PCDH7: variants seen among roughly 807,000 people sequenced by gnomAD.
The protein encoded by PCDH7 is protocadherin-7.
A neutral mutation model predicts 58.9 loss-of-function variants in PCDH7; 17 were observed. That is an observed-to-expected ratio of 0.29 (90% CI 0.20 to 0.43). The LOEUF is 0.43. PCDH7 is among the 20% of genes least tolerant of loss of function. The probability of loss-of-function intolerance (pLI) is 1.00; values close to 1 mark genes in which losing one functional copy is unlikely to be tolerated. For missense variants in PCDH7, 1,274 were observed against 1,441.0 expected (o/e 0.88, Z 1.88); for synonymous variants, 664 against 616.4 (o/e 1.08, Z -1.14).
At chr4:31,134,867 A>T (rs964929848) in intron 3 of PCDH7, among the ~76,000 whole-genome samples, 1 of 152,122 alleles carries the variant, frequency 6.6e-6, no homozygotes, top group African/African-American at 2.4e-5. Context: ...CTAAAGGTGA[A>T]TGCAAAGTTG....
chr4:30,911,506 G>A (rs1206932387), intron 1 of PCDH7, among the ~76,000 whole-genome samples: 1 of 152,050 alleles, frequency 6.6e-6, no homozygotes, highest in Non-Finnish European at 1.5e-5. Context: ...CCTTGACTAG[G>A]TTTAAAATAA....
At chr4:30,847,179 T>A (rs1349082026) in intron 1 of PCDH7, among the ~76,000 whole-genome samples, 1 of 152,082 alleles carries the variant, frequency 6.6e-6, no homozygotes, top group Non-Finnish European at 1.5e-5. Context: ...AGGTTTTAAC[T>A]TTATTCATAA....
At chr4:30,845,982 C>T (rs1731893907) in intron 1 of PCDH7, among the ~76,000 whole-genome samples, 1 of 152,072 alleles carries the variant, frequency 6.6e-6, no homozygotes, top group Admixed American at 6.6e-5. Flanking sequence ...ATTTTTGAAA[C>T]TGAATTTTCA....
At chr4:30,911,205 T>C (rs554986465) in intron 1 of PCDH7, among the ~76,000 whole-genome samples, 3 of 151,898 alleles carry the variant, frequency 2.0e-5, no homozygotes, top group Admixed American at 2.0e-4. Context: ...AAATACCTAA[T>C]GTAGGTGATG....
intron 3 of PCDH7, among the ~76,000 whole-genome samples, chr4:31,002,349 C>T (rs1378261165): frequency 2.6e-5 from 4 of 152,228 alleles, no homozygotes; most frequent in African/African-American, 9.6e-5. Context: ...TGCAGCAACA[C>T]GCACAATTTA....
chr4:30,796,806 T>G (rs1367878400), intron 1 of PCDH7, among the ~76,000 whole-genome samples: 3 of 152,200 alleles, frequency 2.0e-5, no homozygotes, highest in Non-Finnish European at 4.4e-5. Flanking sequence ...CTTATAACTT[T>G]CGAAGGCTTT....
At chr4:30,875,991 G>C (rs1204932903) in intron 1 of PCDH7, among the ~76,000 whole-genome samples, 3 of 152,098 alleles carry the variant, frequency 2.0e-5, no homozygotes, top group Non-Finnish European at 4.4e-5. Context: ...CTGAGGTCAT[G>C]TTGGTCTCCA....
At position 30,985,591 on chromosome 4, in the gene PCDH7, A is replaced by G. The variant is rs73111674; in HGVS notation, c.*7+35376A>G. Among the ~76,000 whole-genome samples, 1,332 of 152,306 alleles carry G rather than the reference A, an allele frequency of 8.7e-3. 19 individuals carry two copies. The highest frequency in any genetic ancestry group is 0.03 in the African/African-American group (1,259 of 41,558). On this transcript the variant is annotated intron_variant, in intron 3 of 3. Transcript: ENST00000509759. ...ATTAAGTATTCTAGTTTGAAAACTC[A>G]GCAAAATTTCTTACCTCCTGAACTG...
At chr4:31,017,557 T>C (rs1320121960) in intron 3 of PCDH7, among the ~76,000 whole-genome samples, 3 of 152,110 alleles carry the variant, frequency 2.0e-5, no homozygotes, top group African/African-American at 4.8e-5. Flanking sequence ...GTTTCTGATA[T>C]GAAGATTCAT....
rs187769694 is a variant in PCDH7, at chr4:30,996,527, T to C, written c.*7+46312T>C. Among the ~76,000 whole-genome samples the C allele has an allele frequency of 5.0e-4, 76 of 152,136 alleles. 2 individuals are homozygous for C. Among genetic ancestry groups the C allele is most frequent in the Admixed American group, 3.9e-3 (60 of 15,272 alleles). ...TTTTCTTCCCCTCCGAGAGACTTTG[T>C]TGGTTTAGCACACCTGCTCAGACCT... On this transcript the variant is annotated intron_variant, in intron 3 of 3. Transcript: ENST00000509759.
intron 3 of PCDH7, among the ~76,000 whole-genome samples, chr4:30,975,688 G>T (rs1048273732): frequency 2.0e-5 from 3 of 152,040 alleles, no homozygotes; most frequent in African/African-American, 7.2e-5. Context: ...GCTTCGAATT[G>T]GTTTACTTTG....
intron 3 of PCDH7, among the ~76,000 whole-genome samples, chr4:31,083,852 C>G (rs1711948412): frequency 1.3e-5 from 2 of 152,190 alleles, no homozygotes; most frequent in Non-Finnish European, 2.9e-5. Flanking sequence ...ACTTGTACCA[C>G]ATTCCTCCCC....
At chr4:30,947,741 T>C (rs1474225017) in intron 2 of PCDH7, among the ~76,000 whole-genome samples, 1 of 152,186 alleles carries the variant, frequency 6.6e-6, no homozygotes, top group Non-Finnish European at 1.5e-5. Flanking sequence ...TGAAACTATA[T>C]AATATAATAG....
intron 1 of PCDH7, among the ~76,000 whole-genome samples, chr4:30,815,588 C>G (rs7356133): frequency 6.6e-6 from 1 of 152,186 alleles, no homozygotes; most frequent in Admixed American, 6.5e-5. Flanking sequence ...AGGACGCATG[C>G]GCGGTGTGTT....
At chr4:30,759,419 G>A (rs1205187018) in intron 1 of PCDH7, among the ~76,000 whole-genome samples, 1 of 152,076 alleles carries the variant, frequency 6.6e-6, no homozygotes, top group Non-Finnish European at 1.5e-5. Context: ...TCGGTGAATC[G>A]GCTTTCAGGA....
intron 1 of PCDH7, among the ~76,000 whole-genome samples, chr4:30,790,823 T>G (rs1724016800): frequency 6.6e-6 from 1 of 151,908 alleles, no homozygotes; most frequent in African/African-American, 2.4e-5. Flanking sequence ...CTCAGGAGGC[T>G]GAGGTGGGAG....
At chr4:30,745,030 C>T (rs1034778485) in intron 1 of PCDH7, among the ~76,000 whole-genome samples, 1 of 152,094 alleles carries the variant, frequency 6.6e-6, no homozygotes, top group Non-Finnish European at 1.5e-5. Context: ...CTTTTGCCAT[C>T]ATCGAGGAGA....
intron 3 of PCDH7, among the ~76,000 whole-genome samples, chr4:31,033,357 T>G (rs969024152): frequency 1.3e-5 from 2 of 152,208 alleles, no homozygotes; most frequent in Admixed American, 1.3e-4. Context: ...CAGGAAAAGA[T>G]AGTAAAATTA....
rs570620174 is a variant in PCDH7, at chr4:30,885,730, G to A, written c.71-34423G>A. Reference sequence around the variant, plus strand: ...TACCTGACTTCAAACTATACTACAAGGCTACAGTAACCAAAACAGCATGGT... The same window carrying A: ...TACCTGACTTCAAACTATACTACAAAGCTACAGTAACCAAAACAGCATGGT... On this transcript the variant is annotated intron_variant, in intron 1 of 3. Transcript: ENST00000509759. Among the ~76,000 whole-genome samples, 69 of 152,160 alleles carry A rather than the reference G, an allele frequency of 4.5e-4. No homozygotes were observed. In the East Asian group the frequency reaches 0.011, roughly 24 times the overall value.
Sources: allele counts gnomAD v4.1 joint callset (sites outside exome capture counted in the v4.1 genomes callset), GRCh38; gene constraint gnomAD v4.1.1; transcripts MANE v1.5; gene names NCBI Gene and HGNC (gene_info 2026-07-23, HGNC 2026-07-21).